Variants in PIK3C3 observed in about 807,000 individuals in gnomAD.
The protein encoded by PIK3C3 is PI3-kinase type 3.
A neutral mutation model predicts 126.1 loss-of-function variants in PIK3C3; 95 were observed. The ratio of observed to expected loss-of-function variants is 0.75; its 90% CI spans 0.64 to 0.89. The LOEUF is 0.89. PIK3C3 is among the 40% of genes least tolerant of loss of function. The probability of loss-of-function intolerance (pLI) is 0.00; values close to 1 mark genes in which losing one functional copy is unlikely to be tolerated. For missense variants in PIK3C3, 829 were observed against 1,063.2 expected (o/e 0.78, Z 3.06); for synonymous variants, 374 against 360.0 (o/e 1.04, Z -0.44).
rs544311478 is a variant in PIK3C3 at position 42,049,792 on chromosome 18, G to A, written c.2263+187G>A. 4 of 460,390 alleles carry A rather than the reference G, an allele frequency of 8.7e-6. No homozygotes were observed. The Admixed American group carries it at 1.4e-4, about 16-fold the overall frequency. 28.5% of individuals were successfully genotyped at this position (460,390 alleles called of 1,614,324 possible). On this transcript the variant is annotated intron_variant, in intron 21 of 24. Coordinates refer to ENST00000262039, the MANE Select transcript of PIK3C3 (RefSeq NM_002647.4). ...AGTTCGAGACCAGCCTGACCAACAT[G>A]GAGAAACCCCGTCTCTACTAAACAC...
rs1986391087 is a variant in PIK3C3 at position 42,085,969 on chromosome 18, A to G, written c.*4832A>G. 1 of 152,000 alleles carries G rather than the reference A, an allele frequency of 6.6e-6. No individual in the cohort carries two copies. The highest frequency in any genetic ancestry group is 1.5e-5 in the Non-Finnish European group (1 of 68,046). 9.4% of individuals were successfully genotyped at this position (152,000 alleles called of 1,614,324 possible). A position where few individuals can be genotyped will look rare whatever the true frequency, so the allele number is the denominator to read the frequency against. Reference sequence around the variant, plus strand: ...TGTGTGTGTGTATGTGCGTGCACAAAAATTAGCTGAGTGTGGTGGTTCACA... The same window carrying G: ...TGTGTGTGTGTATGTGCGTGCACAAGAATTAGCTGAGTGTGGTGGTTCACA... On this transcript the variant is annotated 3_prime_UTR_variant, in exon 25 of 25. Transcript: ENST00000262039.
At chr18:42,005,192 T>C (rs1410838156) in intron 10 of PIK3C3, among the ~76,000 whole-genome samples, 1 of 152,200 alleles carries the variant, frequency 6.6e-6, no homozygotes. Flanking sequence ...TCATGGAGTA[T>C]ACTTACCCAA....
chr18:42,048,584 A>G (rs1984658123), intron 20 of PIK3C3, among the ~76,000 whole-genome samples: 1 of 152,240 alleles, frequency 6.6e-6, no homozygotes, highest in African/African-American at 2.4e-5. Flanking sequence ...CTAAGAGCCT[A>G]GTCTTCAGTA....
At chr18:42,079,592 A>G (rs896748704) in intron 24 of PIK3C3, among the ~76,000 whole-genome samples, 2 of 152,198 alleles carry the variant, frequency 1.3e-5, no homozygotes, top group Non-Finnish European at 2.9e-5. Context: ...AAAAAAACAA[A>G]ACAAAACAGT....
At chr18:41,959,264 C>T (rs1979953792) in intron 2 of PIK3C3, among the ~76,000 whole-genome samples, 1 of 152,158 alleles carries the variant, frequency 6.6e-6, no homozygotes, top group South Asian at 2.1e-4. Context: ...GAAATTACAA[C>T]AAAAGCAAAT....
At chr18:42,056,129 A>G (rs1389285990) in intron 21 of PIK3C3, among the ~76,000 whole-genome samples, 2 of 151,896 alleles carry the variant, frequency 1.3e-5, no homozygotes, top group African/African-American at 4.8e-5. Flanking sequence ...TACAAATTGC[A>G]TTTTCAAATA....
chr18:41,976,442 A>G (rs2512006), intron 4 of PIK3C3, among the ~76,000 whole-genome samples: 1 of 152,190 alleles, frequency 6.6e-6, no homozygotes, highest in South Asian at 2.1e-4. Flanking sequence ...TAGTAACTAC[A>G]TTTATAATCA....
intron 15 of PIK3C3, among the ~76,000 whole-genome samples, chr18:42,033,415 T>C (rs1021338720): frequency 6.6e-6 from 1 of 152,204 alleles, no homozygotes; most frequent in African/African-American, 2.4e-5. Flanking sequence ...TGGGGCAGCA[T>C]AGTGAAATTT....
intron 12 of PIK3C3, among the ~76,000 whole-genome samples, chr18:42,018,098 G>A (rs1983158885): frequency 7.0e-6 from 1 of 142,784 alleles, no homozygotes; most frequent in African/African-American, 2.6e-5. Flanking sequence ...TGTTATTATT[G>A]TATACACTCA....
chr18:42,026,304 A>G (rs557435972), intron 13 of PIK3C3: 2 of 152,354 alleles, frequency 1.3e-5, no homozygotes, highest in Admixed American at 1.3e-4. Context: ...ACTGAAAGTA[A>G]TTTAAAGTTT....
At chr18:42,014,163 G>A (rs62082282) in intron 11 of PIK3C3, among the ~76,000 whole-genome samples, 34,283 of 138,324 alleles carry the variant, frequency 0.25, 4,346 homozygotes, top group South Asian at 0.4. Flanking sequence ...AGCTGAGATT[G>A]CACCAGTGCG....
At chr18:42,035,344 A>AT (rs1483238391) in intron 16 of PIK3C3, among the ~76,000 whole-genome samples, 6 of 152,044 alleles carry the variant, frequency 3.9e-5, no homozygotes, top group East Asian at 1.9e-4. Context: ...TAATTTTACC[A>AT]TTTTTTTTCC....
chr18:42,004,258 G>A (rs985292144), intron 9 of PIK3C3, 98 bp from the exon 10 acceptor site: 6 of 829,406 alleles, frequency 7.2e-6, no homozygotes, highest in South Asian at 1.6e-5. Context: ...CACTGACTCC[G>A]TGGCTCTGTC....
intron 9 of PIK3C3, among the ~76,000 whole-genome samples, chr18:42,001,158 A>G (rs544175175): frequency 8.1e-4 from 124 of 152,356 alleles, no homozygotes; most frequent in African/African-American, 2.9e-3. Flanking sequence ...TGAATAAAAC[A>G]TAGTAACACA....
chr18:42,045,837 T>C (rs929386229), intron 20 of PIK3C3, among the ~76,000 whole-genome samples: 3 of 152,184 alleles, frequency 2.0e-5, no homozygotes, highest in African/African-American at 7.2e-5. Flanking sequence ...CTTTTTACTA[T>C]AGCATAGTTA....
Position 42,029,317 on chromosome 18 carries a change from C to G in PIK3C3, c.1591-8C>G. 1 of 1,590,914 alleles carries G rather than the reference C, an allele frequency of 6.3e-7. No individual in the cohort carries two copies. The highest frequency in any genetic ancestry group is 1.1e-5 in the South Asian group (1 of 90,526). Reference sequence around the variant, plus strand: ...AGAACTAATTTTTTCTCACTTTGAACCCTTCAGGGTGATAAGTCTGTCAGA... The same window carrying G: ...AGAACTAATTTTTTCTCACTTTGAAGCCTTCAGGGTGATAAGTCTGTCAGA... On this transcript the variant is annotated splice_polypyrimidine_tract_variant and splice_region_variant and intron_variant, in intron 14 of 24. Transcript: ENST00000262039.
chr18:42,053,655 G>A (rs7239652), intron 21 of PIK3C3, among the ~76,000 whole-genome samples: 25,951 of 151,988 alleles, frequency 0.17, 2,473 homozygotes, highest in East Asian at 0.29. Context: ...TACTTAGGGC[G>A]ATCAGTTGTG....
intron 6 of PIK3C3, 75 bp from the exon 7 acceptor site, chr18:41,993,195 T>C: frequency 4.0e-6 from 3 of 757,242 alleles, no homozygotes; most frequent in Non-Finnish European, 6.6e-6. Context: ...TTAAAATACA[T>C]TGATGTGTAC....
At chr18:42,046,963 T>G (rs958823452) in intron 20 of PIK3C3, among the ~76,000 whole-genome samples, 1 of 152,174 alleles carries the variant, frequency 6.6e-6, no homozygotes, top group Admixed American at 6.5e-5. Flanking sequence ...CCCTTACTTA[T>G]TTTTGCATTT....
Sources: allele counts gnomAD v4.1 joint callset (sites outside exome capture counted in the v4.1 genomes callset), GRCh38; gene constraint gnomAD v4.1.1; transcripts MANE v1.5; gene names NCBI Gene and HGNC (gene_info 2026-07-23, HGNC 2026-07-21).